The following FANK1 variants were observed in gnomAD, a reference collection of about 807,000 sequenced individuals.
FANK1 encodes fibronectin type III and ankyrin repeat domains 1.
A neutral mutation model predicts 45.3 loss-of-function variants in FANK1; 44 were observed. The ratio of observed to expected loss-of-function variants is 0.97; its 90% confidence interval spans 0.76 to 1.25. The LOEUF (loss-of-function observed/expected upper bound fraction) is 1.25. Among genes scored for constraint, FANK1 ranks in the 50% most tolerant of loss-of-function variants. The pLI is 0.00. For missense variants in FANK1, 391 were observed against 424.4 expected (o/e 0.92, Z 0.69); for synonymous variants, 149 against 152.5 (o/e 0.98, Z 0.17).
intron 6 of FANK1, 50 bp downstream of exon 6, chr10:125,997,535 T>G (rs1031831485): frequency 1.2e-5 from 18 of 1,558,178 alleles, no homozygotes; most frequent in Non-Finnish European, 1.6e-5. Context: ...CAGAATTGTG[T>G]TGCTAGGCTT....
At chr10:125,971,838 G>T (rs565165933) in intron 1 of FANK1, among the ~76,000 whole-genome samples, 12 of 152,080 alleles carry the variant, frequency 7.9e-5, no homozygotes, top group Admixed American at 7.2e-4. Context: ...TAGCCAGGAT[G>T]GTCTCGATCT....
chr10:125,965,261 A>G (rs1040029093), intron 1 of FANK1, among the ~76,000 whole-genome samples: 8 of 152,308 alleles, frequency 5.3e-5, no homozygotes, highest in East Asian at 3.9e-4. Flanking sequence ...TTCACTGGCA[A>G]TCCTCCTGAA....
rs1378335450 is a variant in FANK1 at position 125,950,898 on chromosome 10, G to A, written c.14-29263G>A. Among the ~76,000 whole-genome samples the A allele has an allele frequency of 2.0e-5, 3 of 150,732 alleles. No homozygotes were observed. In the East Asian group the frequency reaches 5.9e-4, roughly 30 times the overall value. ...GAAAATGTGGCACATATACACCATG[G>A]AATACTATGCAGCCATAAAAAATGA... On this transcript the variant is annotated intron_variant, in intron 1 of 10. Transcript: ENST00000368693.
chr10:125,963,913 G>A (rs894034449), intron 1 of FANK1, among the ~76,000 whole-genome samples: 1 of 151,990 alleles, frequency 6.6e-6, no homozygotes, highest in East Asian at 1.9e-4. Flanking sequence ...AACATTTTAA[G>A]ATAATTTTGC....
chr10:125,976,238 G>A (rs1950845029), intron 1 of FANK1, among the ~76,000 whole-genome samples: 1 of 151,680 alleles, frequency 6.6e-6, no homozygotes, highest in African/African-American at 2.4e-5. Context: ...CTCTCTAGCT[G>A]CCTTTAACAT....
intron 1 of FANK1, among the ~76,000 whole-genome samples, chr10:125,962,897 C>G (rs1013503862): frequency 6.6e-6 from 1 of 151,886 alleles, no homozygotes; most frequent in African/African-American, 2.4e-5. Flanking sequence ...AATTTGCACC[C>G]ATTTTCCCCT....
intron 1 of FANK1, among the ~76,000 whole-genome samples, chr10:125,937,836 G>A (rs567903503): frequency 6.6e-6 from 1 of 152,284 alleles, no homozygotes; most frequent in East Asian, 1.9e-4. Flanking sequence ...GGAAGGGATA[G>A]GTGAGGGAAC....
In FANK1 at chr10:126,004,974, CTG is replaced by C. The variant is rs769623079; in HGVS notation, c.632_633del (p.Cys211TyrfsTer16). On this transcript the variant is annotated frameshift_variant, in exon 7 of 11. Transcript: ENST00000368693. LOFTEE classifies it high-confidence loss of function. ...CTTGGCAGGCTAGAGACCTGGGAGG[CTG>C]TACAGCTCTGCACTGGGCTGCAGAT... ...ASWQARDLGGCTALHWAADGG... is the reference protein window; with the variant it reads ...ASWQARDLGGXTALHWAADGG... 6.2e-7 allele frequency: 1 copy of C among 1,614,168 alleles called. No individual in the cohort carries two copies. The highest frequency in any genetic ancestry group is 8.5e-7 in the Non-Finnish European group (1 of 1,180,032).
intron 1 of FANK1, among the ~76,000 whole-genome samples, chr10:125,939,930 TA>T (rs1948336267): frequency 6.6e-6 from 1 of 150,510 alleles, no homozygotes; most frequent in South Asian, 2.1e-4. Flanking sequence ...TTATTATTAT[TA>T]TTATTTTTTT....
chr10:125,967,473 G>A (rs538083508), intron 1 of FANK1, among the ~76,000 whole-genome samples: 1 of 152,326 alleles, frequency 6.6e-6, no homozygotes, highest in African/African-American at 2.4e-5. Context: ...ACCCAGGTTT[G>A]GGCAGGGATG....
rs1218954591 is a variant in FANK1 at position 125,951,163 on chromosome 10, C to G, written c.14-28998C>G. Among the ~76,000 whole-genome samples, 9 of 149,730 alleles carry G rather than the reference C, an allele frequency of 6.0e-5. No homozygotes were observed. In the South Asian group the frequency reaches 1.1e-3, roughly 18 times the overall value. ...ATGCTAGATGACGAGTTAGTGGGTGCAGCGCACCAGCATGGCACATGTATA... is the reference window on the plus strand; with the variant it reads ...ATGCTAGATGACGAGTTAGTGGGTGGAGCGCACCAGCATGGCACATGTATA... On this transcript the variant is annotated intron_variant, in intron 1 of 10. Transcript: ENST00000368693.
chr10:126,006,851 C>T (rs906355568), intron 7 of FANK1, among the ~76,000 whole-genome samples: 2 of 152,204 alleles, frequency 1.3e-5, no homozygotes, highest in African/African-American at 4.8e-5. Flanking sequence ...CAGAGTGAGA[C>T]TCCATCTCAA....
At chr10:125,959,413 C>CAAAAAAAAAA (rs767754151) in intron 1 of FANK1, among the ~76,000 whole-genome samples, 22 of 74,612 alleles carry the variant, frequency 2.9e-4, no homozygotes, top group Non-Finnish European at 4.2e-4. Context: ...GACTCTGTCT[C>CAAAAAAAAAA]AAAAAAAAAA....
Position 125,920,930 on chromosome 10 carries a change from T to G in FANK1, c.13+24275T>G, listed in dbSNP as rs557798997. 1.3e-4 allele frequency among the ~76,000 whole-genome samples: 20 copies of G among 152,396 alleles called. No individual in the cohort carries two copies. In the East Asian group the frequency reaches 3.7e-3, roughly 28 times the overall value. ...TAGAAATTCTGGCTTACTTGTATTT[T>G]TGCTGGCCTTCTAATGATTTCACTC... is the stretch of plus-strand genomic sequence containing the variant. On this transcript the variant is annotated intron_variant, in intron 1 of 10. Coordinates refer to ENST00000368693, the MANE Select transcript of FANK1 (RefSeq NM_145235.5).
At chr10:125,957,369 G>A (rs1451300148) in intron 1 of FANK1, among the ~76,000 whole-genome samples, 1 of 151,330 alleles carries the variant, frequency 6.6e-6, no homozygotes, top group East Asian at 1.9e-4. Flanking sequence ...CCACATACTT[G>A]CCTTTGTTAG....
chr10:125,924,989 C>T (rs1462231532), intron 1 of FANK1, among the ~76,000 whole-genome samples: 8 of 152,014 alleles, frequency 5.3e-5, no homozygotes, highest in Non-Finnish European at 1.2e-4. Context: ...TGTGATCTGT[C>T]CACTTTCTTA....
intron 6 of FANK1, among the ~76,000 whole-genome samples, chr10:125,999,563 C>T (rs1449228973): frequency 2.0e-5 from 3 of 152,110 alleles, no homozygotes; most frequent in African/African-American, 7.2e-5. Flanking sequence ...TTTAAATCAT[C>T]TCAATCAGCC....
chr10:125,967,370 A>T (rs1196125255), intron 1 of FANK1, among the ~76,000 whole-genome samples: 1 of 152,166 alleles, frequency 6.6e-6, no homozygotes, highest in Admixed American at 6.5e-5. Flanking sequence ...GGAAAGTTAT[A>T]GCAGTTTATA....
intron 1 of FANK1, among the ~76,000 whole-genome samples, chr10:125,959,074 T>C (rs1949756044): frequency 1.3e-5 from 2 of 152,190 alleles, no homozygotes; most frequent in Non-Finnish European, 2.9e-5. Flanking sequence ...ATTTACAATG[T>C]TCTTCGAGTC....
Sources: allele counts gnomAD v4.1 joint callset (sites outside exome capture counted in the v4.1 genomes callset), GRCh38; gene constraint gnomAD v4.1.1; transcripts MANE v1.5; gene names NCBI Gene and HGNC (gene_info 2026-07-23, HGNC 2026-07-21).